The following XKR4 variants were observed in gnomAD, a reference collection of about 807,000 sequenced individuals.
XKR4 encodes XK-related protein 4.
Under a neutral mutation model 53.9 loss-of-function variants are expected in XKR4, and 12 were observed. The observed-to-expected ratio is 0.22, with a 90% CI of 0.14 to 0.36. XKR4 has a LOEUF of 0.36. Among genes scored for constraint, XKR4 ranks in the 10% least tolerant of loss-of-function variants. The pLI is 1.00. For synonymous variants in XKR4, 354 were observed against 362.4 expected (o/e 0.98, Z 0.26); for missense variants, 799 against 859.5 (o/e 0.93, Z 0.88).
chr8:55,470,848 C>T (rs1479219851), intron 2 of XKR4, among the ~76,000 whole-genome samples: 2 of 152,082 alleles, frequency 1.3e-5, no homozygotes, highest in African/African-American at 4.8e-5. Context: ...ATGATTAACT[C>T]ACCTAAAGCA....
At chr8:55,324,756 G>T (rs1018205771) in intron 1 of XKR4, among the ~76,000 whole-genome samples, 1 of 152,130 alleles carries the variant, frequency 6.6e-6, no homozygotes, top group East Asian at 1.9e-4. Flanking sequence ...TAGGGGACAG[G>T]AAATAACTTT....
chr8:55,321,218 A>G (rs983244283), intron 1 of XKR4, among the ~76,000 whole-genome samples: 2 of 152,122 alleles, frequency 1.3e-5, no homozygotes, highest in African/African-American at 4.8e-5. Context: ...CTCTCTTCCA[A>G]TAAATTCTTT....
At chr8:55,190,573 G>C (rs956526523) in intron 1 of XKR4, among the ~76,000 whole-genome samples, 5 of 152,174 alleles carry the variant, frequency 3.3e-5, no homozygotes, top group African/African-American at 9.7e-5. Flanking sequence ...CTATGTTTAA[G>C]AAGAACTCAG....
chr8:55,518,280 GAA>G (rs1806744905), intron 2 of XKR4, among the ~76,000 whole-genome samples: 1 of 152,158 alleles, frequency 6.6e-6, no homozygotes, highest in Non-Finnish European at 1.5e-5. Flanking sequence ...CAAAGAAGCA[GAA>G]GAGAGGAACA....
chr8:55,458,289 G>T (rs946833414), intron 2 of XKR4, among the ~76,000 whole-genome samples: 1 of 152,216 alleles, frequency 6.6e-6, no homozygotes. Flanking sequence ...CAGCCCACAG[G>T]TCTCAACCCC....
rs1359429059 is a variant in XKR4 at position 55,102,355 on chromosome 8, G to C, written c.-134G>C. On this transcript the variant is annotated 5_prime_UTR_variant, in exon 1 of 3. Coordinates refer to ENST00000327381, the MANE Select transcript of XKR4 (RefSeq NM_052898.2). The surrounding 1 kb of genome is among the most constrained non-coding windows in gnomAD (Gnocchi z 5.1). ...GGCGGCGGCGGACGGCAGGCGAGCC[G>C]ACGCAGGAGCAGGAGGAGGGGGAGC... is the stretch of plus-strand genomic sequence containing the variant. The C allele has an allele frequency of 3.5e-6, 4 of 1,142,314 alleles. No homozygotes were observed. The East Asian group carries it at 1.3e-4, about 38-fold the overall frequency. 70.8% of individuals were successfully genotyped at this position (1,142,314 alleles called of 1,614,324 possible). A position where few individuals can be genotyped will look rare whatever the true frequency, so the allele number is the denominator to read the frequency against.
At chr8:55,341,294 A>G (rs869651) in intron 1 of XKR4, among the ~76,000 whole-genome samples, 15,164 of 152,100 alleles carry the variant, frequency 0.1, 2,084 homozygotes, top group African/African-American at 0.31. Context: ...TCAGAATTAC[A>G]TTACCTGGCA....
chr8:55,139,481 C>A (rs1363176767), intron 1 of XKR4, among the ~76,000 whole-genome samples: 1 of 140,598 alleles, frequency 7.1e-6, no homozygotes, highest in Non-Finnish European at 1.5e-5. Context: ...CCACTGTACT[C>A]CAGGCTGGGT....
chr8:55,144,805 C>CTATTT (rs57869559), intron 1 of XKR4, among the ~76,000 whole-genome samples: 21,149 of 138,904 alleles, frequency 0.15, 2,067 homozygotes, highest in Middle Eastern at 0.3. Context: ...AGTATTACCA[C>CTATTT]TATTTTATTT....
At chr8:55,206,351 CAG>C (rs1817650671) in intron 1 of XKR4, among the ~76,000 whole-genome samples, 1 of 152,130 alleles carries the variant, frequency 6.6e-6, no homozygotes, top group South Asian at 2.1e-4. Flanking sequence ...TAGCTGGACA[CAG>C]AGTGCTGATT....
chr8:55,278,914 C>T (rs1453348512), intron 1 of XKR4, among the ~76,000 whole-genome samples: 1 of 152,110 alleles, frequency 6.6e-6, no homozygotes, highest in African/African-American at 2.4e-5. Flanking sequence ...ATGCGCACCT[C>T]AGGGAACCAC....
chr8:55,406,319 A>C (rs1033337597), intron 2 of XKR4, among the ~76,000 whole-genome samples: 2 of 152,152 alleles, frequency 1.3e-5, no homozygotes, highest in African/African-American at 4.8e-5. Flanking sequence ...AAAAAGTAAT[A>C]GTCCCTACCA....
chr8:55,311,829 CAAA>C lies in XKR4; in HGVS notation c.807-45829_807-45827del, dbSNP rs57826022. Among the ~76,000 whole-genome samples the C allele has an allele frequency of 5.3e-3, 526 of 98,572 alleles. 1 individual carries two copies. The highest frequency in any genetic ancestry group is 0.019 in the African/African-American group (494 of 25,938). The allele number at this position is 98,572 out of a possible 152,430, so 64.7% of individuals were successfully genotyped here. On this transcript the variant is annotated intron_variant, in intron 1 of 2. Coordinates refer to ENST00000327381, the MANE Select transcript of XKR4 (RefSeq NM_052898.2). ...AACTGAAACTGTCTCTGTAATTTAG[CAAA>C]AAAAAAAAAAAAAAAAAAAGAAAAG...
chr8:55,522,095 C>A lies in XKR4; in HGVS notation c.1007-1186C>A, dbSNP rs146451125. ...GACAGAGGAATTTCCCATAAGAGCTCTCTCCTAAAGGAGGCCAGTGTGTTT... is the reference window on the plus strand; with the variant it reads ...GACAGAGGAATTTCCCATAAGAGCTATCTCCTAAAGGAGGCCAGTGTGTTT... On this transcript the variant is annotated intron_variant, in intron 2 of 2. Coordinates refer to ENST00000327381, the MANE Select transcript of XKR4 (RefSeq NM_052898.2). Among the ~76,000 whole-genome samples, 8 of 152,292 alleles carry A rather than the reference C, an allele frequency of 5.3e-5. No homozygotes were observed. In the East Asian group the frequency reaches 1.5e-3, roughly 29 times the overall value.
At chr8:55,300,433 AG>A (rs1170470146) in intron 1 of XKR4, among the ~76,000 whole-genome samples, 4 of 152,180 alleles carry the variant, frequency 2.6e-5, no homozygotes, top group Non-Finnish European at 5.9e-5. Context: ...GTTCAGGGAC[AG>A]GTGACAGACA....
Position 55,102,787 on chromosome 8 carries a change from T to C in XKR4, c.299T>C (p.Leu100Pro). The change falls in exon 1 of 3, where the codon CTG becomes CCG. Residue 100 changes from leucine (L) to proline (P), a missense_variant. By Grantham distance (98) the Leu-to-Pro change is moderately conservative (BLOSUM62 -3). Around this residue, in one of 3 missense-constraint regions of XKR4, gnomAD observed 476 missense variants for 505.4 expected, o/e 0.94. Transcript: ENST00000327381. The surrounding 1 kb of genome is among the most constrained non-coding windows in gnomAD (Gnocchi z 5.1). ...GGCTCGGCTGCGCTGTGCCTGCGCC[T>C]GGGCAGGGAGCAGCGGCGCTACTCA... ...GAGSAALCLR[L>P]GREQRRYSLW... The C allele has an allele frequency of 6.3e-7, 1 of 1,587,732 alleles. No individual in the cohort carries two copies.
intron 2 of XKR4, among the ~76,000 whole-genome samples, chr8:55,492,461 T>G (rs1032266624): frequency 7.2e-5 from 11 of 152,230 alleles, no homozygotes; most frequent in African/African-American, 2.2e-4. Flanking sequence ...GTTTAAAAGA[T>G]TCTCACCCAT....
intron 1 of XKR4, among the ~76,000 whole-genome samples, chr8:55,279,338 G>T (rs1347820561): frequency 6.6e-6 from 1 of 152,160 alleles, no homozygotes; most frequent in East Asian, 1.9e-4. Flanking sequence ...CTACACCATG[G>T]TTCTCCACCC....
At position 55,541,857 on chromosome 8, in the gene XKR4, C is replaced by T. The variant is rs1388449958; in HGVS notation, c.*17630C>T. On this transcript the variant is annotated 3_prime_UTR_variant, in exon 3 of 3. Coordinates refer to ENST00000327381, the MANE Select transcript of XKR4 (RefSeq NM_052898.2). Reference sequence around the variant, plus strand: ...GGAGGCCACTGTCAGCAGGCAGTGACCCCCAGTGCCCTAGTTTGAAGCACA... The same window carrying T: ...GGAGGCCACTGTCAGCAGGCAGTGATCCCCAGTGCCCTAGTTTGAAGCACA... The T allele has an allele frequency of 6.6e-6, 1 of 152,008 alleles. No individual in the cohort carries two copies. The highest frequency in any genetic ancestry group is 1.5e-5 in the Non-Finnish European group (1 of 67,990). 9.4% of individuals were successfully genotyped at this position (152,008 alleles called of 1,614,324 possible). A position where few individuals can be genotyped will look rare whatever the true frequency, so the allele number is the denominator to read the frequency against.
Sources: gnomAD v4.1 joint callset for allele counts (sites outside exome capture counted in the v4.1 genomes callset) on GRCh38, gnomAD v4.1.1 for gene constraint, gnomAD v4.1.1 regional missense constraint, Gnocchi (gnomAD v3.1) non-coding constraint, MANE v1.5 for transcripts, NCBI Gene and HGNC (gene_info 2026-07-23, HGNC 2026-07-21) for gene names.